The following BRD1 variants were observed in gnomAD, a reference collection of about 807,000 sequenced individuals.
The protein encoded by BRD1 is bromodomain containing 1, also known as bromodomain-containing protein 1.
Under a neutral mutation model 107.7 loss-of-function variants are expected in BRD1, and 24 were observed. The ratio of observed to expected loss-of-function variants is 0.22; its 90% CI spans 0.16 to 0.31. The LOEUF (loss-of-function observed/expected upper bound fraction) is 0.31. Among genes scored for constraint, BRD1 ranks in the 10% least tolerant of loss-of-function variants. BRD1 has a pLI of 1.00. For synonymous variants in BRD1, 744 were observed against 686.1 expected (o/e 1.08, Z -1.32); for missense variants, 1,279 against 1,638.6 (o/e 0.78, Z 3.79).
At chr22:49,785,887 T>C (rs1326100107) in intron 8 of BRD1, among the ~76,000 whole-genome samples, 2 of 152,186 alleles carry the variant, frequency 1.3e-5, no homozygotes, top group African/African-American at 4.8e-5. Context: ...TGACAGTGCC[T>C]GGTCTCACTC....
chr22:49,779,009 C>T (rs2059153975), intron 8 of BRD1, among the ~76,000 whole-genome samples: 2 of 152,174 alleles, frequency 1.3e-5, no homozygotes. Context: ...GCCTACCTAC[C>T]TCATCCTTAA....
intron 6 of BRD1, among the ~76,000 whole-genome samples, chr22:49,797,031 G>A (rs2059547893): frequency 6.6e-6 from 1 of 152,252 alleles, no homozygotes; most frequent in African/African-American, 2.4e-5. Flanking sequence ...CTCAGAGCTG[G>A]AGCTGAGGTG....
At chr22:49,780,934 T>A (rs980023873) in intron 8 of BRD1, among the ~76,000 whole-genome samples, 1 of 152,202 alleles carries the variant, frequency 6.6e-6, no homozygotes, top group Non-Finnish European at 1.5e-5. Flanking sequence ...CAGCAGGCAC[T>A]GAGGCCGAGC....
At chr22:49,777,538 A>G in intron 9 of BRD1, 140 bp downstream of exon 9, 9 of 1,156,288 alleles carry the variant, frequency 7.8e-6, no homozygotes, top group Non-Finnish European at 9.7e-6. Flanking sequence ...CCACAAGGGC[A>G]GAGCACACAT....
rs994550170 is a variant in BRD1 at position 49,815,553 on chromosome 22, A to G, written c.1367+7398T>C. On this transcript the variant is annotated intron_variant, in intron 2 of 12. Transcript: ENST00000404760. ...GCAAGACTCCATCTCAAAAAGAAGA[A>G]AAAAAAAAAAACTGTTTCCAGATAT... 2.2e-4 allele frequency among the ~76,000 whole-genome samples: 20 copies of G among 90,462 alleles called. No individual in the cohort carries two copies. In the African/African-American group the frequency reaches 5.8e-3, roughly 26 times the overall value. The allele number at this position is 90,462 out of a possible 152,430, so 59.3% of individuals were successfully genotyped here. A position where few individuals can be genotyped will look rare whatever the true frequency, so the allele number is the denominator to read the frequency against.
chr22:49,795,606 G>A (rs1028728824), intron 6 of BRD1, among the ~76,000 whole-genome samples: 1 of 152,234 alleles, frequency 6.6e-6, no homozygotes, highest in Non-Finnish European at 1.5e-5. Flanking sequence ...AGGAGGCTCC[G>A]GGCTGCTAAG....
chr22:49,804,896 TACA>T (rs1378986137), intron 2 of BRD1, among the ~76,000 whole-genome samples: 2 of 152,210 alleles, frequency 1.3e-5, no homozygotes, highest in East Asian at 1.9e-4. Flanking sequence ...TCTCATTCAC[TACA>T]ACATTTATCA....
At position 49,818,076 on chromosome 22, in the gene BRD1, C is replaced by T. The variant is rs566453321; in HGVS notation, c.1367+4875G>A. 7 of 362,052 alleles carry T rather than the reference C, an allele frequency of 1.9e-5. No individual in the cohort carries two copies. The South Asian group carries it at 4.5e-4, about 23-fold the overall frequency. 22.4% of individuals were successfully genotyped at this position (362,052 alleles called of 1,614,324 possible). On this transcript the variant is annotated intron_variant, in intron 2 of 12. Transcript: ENST00000404760. The stretch of plus-strand genomic sequence containing the variant: ...TTTCACCTGAGTGATGCTTCCCTTC[C>T]TAAGGCTGACCAAGACCAGTTCATC...
chr22:49,812,091 G>A (rs941338783), intron 2 of BRD1, among the ~76,000 whole-genome samples: 6 of 149,202 alleles, frequency 4.0e-5, no homozygotes, highest in South Asian at 2.1e-4. Flanking sequence ...ATGGCAAGGA[G>A]CACAGTCTGC....
chr22:49,798,531 G>A (rs2059579368), intron 5 of BRD1, 27 bp downstream of exon 5: 2 of 1,613,984 alleles, frequency 1.2e-6, no homozygotes, highest in South Asian at 1.1e-5. Flanking sequence ...ACATGCGGCA[G>A]GACAGACGAG....
At chr22:49,816,417 T>C (rs980340418) in intron 2 of BRD1, among the ~76,000 whole-genome samples, 7 of 152,130 alleles carry the variant, frequency 4.6e-5, no homozygotes, top group Admixed American at 3.9e-4. Context: ...GCCTACCTAG[T>C]GGACTCAACG....
Position 49,777,712 on chromosome 22 carries a change from T to C in BRD1, c.2959A>G (p.Ile987Val). 2 of 1,608,568 alleles carry C rather than the reference T, an allele frequency of 1.2e-6. No individual in the cohort carries two copies. The highest frequency in any genetic ancestry group is 1.7e-6 in the Non-Finnish European group (2 of 1,178,466). Reference sequence around the variant, plus strand: ...CAGAGCGGGCTGTTGCTGGAGGAGATGCTGGACTCGGAGGCACAGCGTCGT... The same window carrying C: ...CAGAGCGGGCTGTTGCTGGAGGAGACGCTGGACTCGGAGGCACAGCGTCGT... ...PRRRCASESS[I>V]SSSNSPLCDS... The change falls in exon 9 of 13, where the codon ATC (isoleucine) becomes GTC (valine). Residue 987 changes from isoleucine (I) to valine (V), a missense_variant. By Grantham distance (29) the Ile-to-Val change is conservative. Coordinates refer to ENST00000404760, the MANE Select transcript of BRD1 (RefSeq NM_001304808.3).
At chr22:49,784,850 T>C (rs1474671081) in intron 8 of BRD1, among the ~76,000 whole-genome samples, 1 of 152,178 alleles carries the variant, frequency 6.6e-6, no homozygotes, top group African/African-American at 2.4e-5. Context: ...AGCAGTGGAA[T>C]GCCTCCCACT....
At chr22:49,826,969 C>A (rs1461543994) in intron 1 of BRD1, among the ~76,000 whole-genome samples, 1 of 152,184 alleles carries the variant, frequency 6.6e-6, no homozygotes, top group Non-Finnish European at 1.5e-5. Context: ...TGCAAACGCC[C>A]GGGGAGGCCG....
In BRD1 at chr22:49,785,079, G is replaced by A. The variant is rs149302417; in HGVS notation, c.2857+2311C>T. On this transcript the variant is annotated intron_variant, in intron 8 of 12. Transcript: ENST00000404760. The stretch of plus-strand genomic sequence containing the variant: ...GACTGCTCTACACCACCGTCACCAC[G>A]GGAAGCCCGCAAAACACTCCACTCC... Among the ~76,000 whole-genome samples the A allele has an allele frequency of 4.6e-5, 7 of 152,366 alleles. No homozygotes were observed. The South Asian group carries it at 6.2e-4, about 14-fold the overall frequency.
chr22:49,786,295 C>G (rs1038957562), intron 8 of BRD1, among the ~76,000 whole-genome samples: 1 of 152,326 alleles, frequency 6.6e-6, no homozygotes, highest in Middle Eastern at 3.4e-3. Flanking sequence ...CAGCCAGTAC[C>G]GAAGAAGCAA....
intron 2 of BRD1, among the ~76,000 whole-genome samples, chr22:49,821,194 C>A (rs558494899): frequency 6.6e-6 from 1 of 152,304 alleles, no homozygotes; most frequent in Admixed American, 6.5e-5. Context: ...AGCGTGCGGC[C>A]CGGCCAGGCC....
rs748543631 is a variant in BRD1 at position 49,777,778 on chromosome 22, G to T, written c.2893C>A (p.Gln965Lys). 2.5e-6 allele frequency: 4 copies of T among 1,604,632 alleles called. No homozygotes were observed. Among genetic ancestry groups the T allele is most frequent in the Non-Finnish European group, 2.5e-6 (3 of 1,177,946 alleles). ...CTCCCCAGGCCGCCGCCCGGCTCCTGCTCGCTCCTCGCACCCCCAAAGCCG... is the reference window on the plus strand; with the variant it reads ...CTCCCCAGGCCGCCGCCCGGCTCCTTCTCGCTCCTCGCACCCCCAAAGCCG... Reference protein sequence around the residue: ...TNGFGGARSEQEPGGGLGRKA... With the variant: ...TNGFGGARSEKEPGGGLGRKA... The change falls in exon 9 of 13, where the codon CAG becomes AAG. Residue 965 changes from glutamine to lysine, a missense_variant. Around this residue, in one of 7 missense-constraint regions of BRD1, gnomAD observed 263 missense variants for 251.6 expected, o/e 1.05. Transcript: ENST00000404760.
At chr22:49,807,779 T>G (rs901155360) in intron 2 of BRD1, among the ~76,000 whole-genome samples, 20 of 152,338 alleles carry the variant, frequency 1.3e-4, no homozygotes, top group African/African-American at 4.6e-4. Flanking sequence ...TGTTAAAATG[T>G]GTGCATTAAA....
Sources: gnomAD v4.1 joint callset for allele counts (sites outside exome capture counted in the v4.1 genomes callset) on GRCh38, gnomAD v4.1.1 for gene constraint, gnomAD v4.1.1 regional missense constraint, MANE v1.5 for transcripts, NCBI Gene and HGNC (gene_info 2026-07-23, HGNC 2026-07-21) for gene names.